The following PAXBP1 variants were observed in gnomAD, a reference collection of about 807,000 sequenced individuals.
The protein encoded by PAXBP1 is PAX3- and PAX7-binding protein 1.
PAXBP1 carries 44 observed loss-of-function variants against 119.9 expected under a neutral mutation model. That is an observed-to-expected ratio of 0.37 (90% CI 0.29 to 0.47). PAXBP1 has a LOEUF of 0.47. Ranked by LOEUF, PAXBP1 falls within the 20% of genes least tolerant of loss-of-function variation. The pLI is 0.99. For synonymous variants in PAXBP1, 393 were observed against 406.6 expected, an observed-to-expected ratio of 0.97 and a Z score of 0.40; for missense variants, 898 against 1,134.1, an observed-to-expected ratio of 0.79 and a Z score of 2.99.
Position 32,771,310 on chromosome 21 carries a change from G to C in PAXBP1, c.343+16C>G. The C allele has an allele frequency of 1.3e-6, 2 of 1,572,494 alleles. No individual in the cohort carries two copies. Among genetic ancestry groups the C allele is most frequent in the Non-Finnish European group, 8.6e-7 (1 of 1,167,140 alleles). ...GGGATGCGGCCGTCTAAGGGCGTCC[G>C]AAGCGCGCACTTTACCTTCCTCCTC... On this transcript the variant is annotated intron_variant, in intron 1 of 17. Transcript: ENST00000331923.
Position 32,762,177 on chromosome 21 carries a change from C to A in PAXBP1, c.790G>T (p.Asp264Tyr), listed in dbSNP as rs762851703. 6.2e-7 allele frequency: 1 copy of A among 1,614,186 alleles called. No individual in the cohort carries two copies. Among genetic ancestry groups the A allele is most frequent in the Non-Finnish European group, 8.5e-7 (1 of 1,180,030 alleles). ...VREDENDASD[D>Y]EDDDEKRRIV... The stretch of plus-strand genomic sequence containing the variant: ...CGGCGTTTCTCATCGTCATCTTCAT[C>A]ATCACTGGCATCATTCTCATCTTCT... Residue 264 changes from aspartate to tyrosine, a missense_variant, in exon 4 of 18, where the codon GAT becomes TAT. Physicochemically the swap from Asp to Tyr is radical, Grantham distance 160. Coordinates refer to ENST00000331923, the MANE Select transcript of PAXBP1 (RefSeq NM_016631.4).
At chr21:32,747,154 T>C (rs2146481998) in intron 11 of PAXBP1, among the ~76,000 whole-genome samples, 1 of 152,154 alleles carries the variant, frequency 6.6e-6, no homozygotes, top group Non-Finnish European at 1.5e-5. Flanking sequence ...ACCAAGGTGA[T>C]GGGTTGATCT....
chr21:32,749,087 A>G (rs576187878), intron 10 of PAXBP1, among the ~76,000 whole-genome samples: 1 of 152,242 alleles, frequency 6.6e-6, no homozygotes, highest in Non-Finnish European at 1.5e-5. Flanking sequence ...ATCAGTCACT[A>G]ATCACATTGC....
intron 3 of PAXBP1, among the ~76,000 whole-genome samples, chr21:32,763,972 A>G (rs1297865570): frequency 6.7e-6 from 1 of 149,414 alleles, no homozygotes; most frequent in African/African-American, 2.5e-5. Context: ...GGGCAACAAA[A>G]GGGAAACTCC....
In PAXBP1 at chr21:32,735,089, G is replaced by T. The variant is rs376469469; in HGVS notation, c.2637-22C>A. On this transcript the variant is annotated intron_variant, in intron 17 of 17. Transcript: ENST00000331923. Reference sequence around the variant, plus strand: ...TTCCCTAAAAGAAAAAAATATAGCAGCATCTCATTAATTAGTATATCTAAG... The same window carrying T: ...TTCCCTAAAAGAAAAAAATATAGCATCATCTCATTAATTAGTATATCTAAG... The T allele has an allele frequency of 1.6e-4, 238 of 1,530,180 alleles. 2 individuals carry two copies. Among genetic ancestry groups the T allele is most frequent in the Non-Finnish European group, 2.7e-5 (30 of 1,108,926 alleles). The allele number at this position is 1,530,180 out of a possible 1,614,324, so 94.8% of individuals were successfully genotyped here. A position where few individuals can be genotyped will look rare whatever the true frequency, so the allele number is the denominator to read the frequency against.
chr21:32,759,010 T>G, intron 7 of PAXBP1, 70 bp downstream of exon 7: 2 of 1,439,170 alleles, frequency 1.4e-6, no homozygotes, highest in South Asian at 2.6e-5. Flanking sequence ...TATAGAATGT[T>G]CTACACAAGG....
chr21:32,737,566 C>T, intron 16 of PAXBP1, 158 bp from the exon 17 acceptor site: 2 of 571,298 alleles, frequency 3.5e-6, no homozygotes, highest in East Asian at 3.4e-5. Flanking sequence ...AATCTGACTT[C>T]CTACATTAAC....
chr21:32,759,146 T>C lies in PAXBP1; in HGVS notation c.1317A>G (p.Glu439=). ...RLEGSSGGIG[E]RYKFLQEMRG... Reference sequence around the variant, plus strand: ...GCATTTCTTGCAAAAATTTATACCGTTCACCAATACCCCCAGAAGACCCTT... The same window carrying C: ...GCATTTCTTGCAAAAATTTATACCGCTCACCAATACCCCCAGAAGACCCTT... Residue 439 remains glutamate, a synonymous_variant, in exon 7 of 18, where the codon GAA becomes GAG. Transcript: ENST00000331923. 6.2e-7 allele frequency: 1 copy of C among 1,614,042 alleles called. No homozygotes were observed. The highest frequency in any genetic ancestry group is 2.2e-5 in the East Asian group (1 of 44,878).
chr21:32,761,260 T>TG (rs1238275444), intron 4 of PAXBP1, 98 bp from the exon 5 acceptor site: 96 of 864,302 alleles, frequency 1.1e-4, no homozygotes, highest in Non-Finnish European at 1.7e-4. Flanking sequence ...GCAAAACTAT[T>TG]AACTCAATCT....
At chr21:32,765,354 A>G (rs1398961854) in intron 2 of PAXBP1, among the ~76,000 whole-genome samples, 1 of 152,202 alleles carries the variant, frequency 6.6e-6, no homozygotes, top group Non-Finnish European at 1.5e-5. Context: ...AGGCACCACT[A>G]CATCTTAATG....
At chr21:32,741,732 A>AG (rs1435240206) in intron 15 of PAXBP1, 7 of 528,054 alleles carry the variant, frequency 1.3e-5, no homozygotes, top group Non-Finnish European at 1.7e-5. Flanking sequence ...TTTGCGGAAA[A>AG]GGGGTTCTGG....
At chr21:32,738,595 A>G (rs767258259) in intron 15 of PAXBP1, among the ~76,000 whole-genome samples, 1 of 152,190 alleles carries the variant, frequency 6.6e-6, no homozygotes, top group Admixed American at 6.5e-5. Flanking sequence ...AGACAGTACT[A>G]TCAGGGAGTG....
At chr21:32,760,633 T>G (rs2044123874) in intron 5 of PAXBP1, among the ~76,000 whole-genome samples, 1 of 152,140 alleles carries the variant, frequency 6.6e-6, no homozygotes, top group Non-Finnish European at 1.5e-5. Flanking sequence ...TCTCAAACTT[T>G]AGTGTGCATC....
rs570220527 is a variant in PAXBP1 at position 32,758,661 on chromosome 21, A to C, written c.1383+419T>G. ...ATCCAGGGTAAAAAAAAAAAAAAAA[A>C]AAAAACTAATAAAAATTTGCAACTT... On this transcript the variant is annotated intron_variant, in intron 7 of 17. Transcript: ENST00000331923. Among the ~76,000 whole-genome samples the C allele has an allele frequency of 4.2e-3, 640 of 151,414 alleles. 6 individuals carry two copies. The highest frequency in any genetic ancestry group is 0.015 in the African/African-American group (607 of 41,436).
Position 32,759,759 on chromosome 21 carries a change from G to C in PAXBP1, c.1193+18C>G, listed in dbSNP as rs1446380210. On this transcript the variant is annotated intron_variant, in intron 6 of 17. Coordinates refer to ENST00000331923, the MANE Select transcript of PAXBP1 (RefSeq NM_016631.4). ...AGAAAGCTAGCGGACAGGTCTTTAA[G>C]AAGTTGATCTGCCCTACCTGTCTTT... The C allele has an allele frequency of 1.2e-5, 19 of 1,595,332 alleles. No homozygotes were observed. The South Asian group carries it at 1.9e-4, about 16-fold the overall frequency.
At chr21:32,766,508 G>A (rs73196262) in intron 2 of PAXBP1, among the ~76,000 whole-genome samples, 1,679 of 152,256 alleles carry the variant, frequency 0.011, 14 homozygotes, top group Non-Finnish European at 0.018. Flanking sequence ...TCTACAAAGA[G>A]GGACAGGCTT....
At chr21:32,744,756 G>GAA (rs78287607) in intron 13 of PAXBP1, 36 bp downstream of exon 13, 127 of 1,181,824 alleles carry the variant, frequency 1.1e-4, no homozygotes, top group Admixed American at 1.9e-4. Context: ...ACAGAAAGAG[G>GAA]AAAAAAAAAA....
Position 32,762,077 on chromosome 21 carries a change from T to C in PAXBP1, c.871+19A>G. 1.2e-6 allele frequency: 2 copies of C among 1,613,468 alleles called. No individual in the cohort carries two copies. Among genetic ancestry groups the C allele is most frequent in the Non-Finnish European group, 1.7e-6 (2 of 1,179,560 alleles). ...AAAAGGCAATGCAATAGGCTTACTA[T>C]TCAATTAAATCAAGTTACCTATTTC... On this transcript the variant is annotated intron_variant, in intron 4 of 17. Coordinates refer to ENST00000331923, the MANE Select transcript of PAXBP1 (RefSeq NM_016631.4).
intron 10 of PAXBP1, among the ~76,000 whole-genome samples, chr21:32,749,864 G>C (rs2043932218): frequency 6.6e-6 from 1 of 152,078 alleles, no homozygotes; most frequent in African/African-American, 2.4e-5. Context: ...GAACAATAGG[G>C]GTGGGTGTGT....
Sources: allele counts gnomAD v4.1 joint callset (sites outside exome capture counted in the v4.1 genomes callset), GRCh38; gene constraint gnomAD v4.1.1; transcripts MANE v1.5; gene names NCBI Gene and HGNC (gene_info 2026-07-23, HGNC 2026-07-21).